KRI1: variants seen among roughly 807,000 people sequenced by gnomAD.
KRI1 encodes protein KRI1 homolog.
A neutral mutation model predicts 97.0 loss-of-function variants in KRI1; 83 were observed. The ratio of observed to expected loss-of-function variants is 0.86; its 90% CI spans 0.72 to 1.03. The LOEUF (loss-of-function observed/expected upper bound fraction) is 1.03, where lower values mean the gene tolerates loss of function less well. Among genes scored for constraint, KRI1 ranks in the 50% least tolerant of loss-of-function variants. KRI1 has a pLI of 0.00. For synonymous variants in KRI1, 371 were observed against 363.5 expected, an observed-to-expected ratio of 1.02 and a Z score of -0.23; for missense variants, 916 against 928.4, an observed-to-expected ratio of 0.99 and a Z score of 0.17.
intron 18 of KRI1, 128 bp downstream of exon 18, chr19:10,554,959 C>G (rs779218685): frequency 1.4e-6 from 1 of 708,542 alleles, no homozygotes; most frequent in Non-Finnish European, 2.3e-6. Context: ...ATATAGGATT[C>G]GAACCCAGGT....
chr19:10,565,654 G>A, intron 2 of KRI1, 63 bp downstream of exon 2: 16 of 1,505,320 alleles, frequency 1.1e-5, no homozygotes, highest in Non-Finnish European at 1.4e-5. Context: ...TCTACATCGG[G>A]GTCGGGGTGC....
chr19:10,558,821 C>T (rs1462197276), intron 12 of KRI1, among the ~76,000 whole-genome samples: 3 of 151,984 alleles, frequency 2.0e-5, no homozygotes, highest in Non-Finnish European at 4.4e-5. Context: ...TTCCCTGCCT[C>T]AGCCTCCCGA....
Position 10,553,745 on chromosome 19 carries a change from T to TG in KRI1, c.*205dup. ...CATGTGTCACCACATTTTGTAGAGA[T>TG]GGAGTCTCGCTAAGTTGCCCACGCT... On this transcript the variant is annotated 3_prime_UTR_variant, in exon 19 of 19. Transcript: ENST00000312962. 1.8e-6 allele frequency: 1 copy of TG among 550,872 alleles called. No individual in the cohort carries two copies. Among genetic ancestry groups the TG allele is most frequent in the East Asian group, 3.0e-5 (1 of 32,802 alleles). 34.1% of individuals were successfully genotyped at this position (550,872 alleles called of 1,614,324 possible). A position where few individuals can be genotyped will look rare whatever the true frequency, so the allele number is the denominator to read the frequency against.
chr19:10,559,477 TTCC>T lies in KRI1; in HGVS notation c.1073_1075del (p.Arg358del). The T allele has an allele frequency of 6.2e-7, 1 of 1,614,058 alleles. No individual in the cohort carries two copies. Among genetic ancestry groups the T allele is most frequent in the Non-Finnish European group, 8.5e-7 (1 of 1,180,008 alleles). ...CTTCTCCAGCTTGGCCAGAATCTCC[TTCC>T]TCTTCAGGTTCTTCAGCTGCTTGAG... is the stretch of plus-strand genomic sequence containing the variant. On this transcript the variant is annotated inframe_deletion, in exon 12 of 19. Coordinates refer to ENST00000312962, the MANE Select transcript of KRI1 (RefSeq NM_023008.5).
chr19:10,565,400 T>G, intron 2 of KRI1: 1 of 486,074 alleles, frequency 2.1e-6, no homozygotes, highest in Non-Finnish European at 3.6e-6. Flanking sequence ...GCGCCCCACG[T>G]GGCGCAAGGA....
intron 6 of KRI1, 105 bp downstream of exon 6, chr19:10,561,562 A>T: frequency 8.9e-7 from 1 of 1,122,156 alleles, no homozygotes; most frequent in Non-Finnish European, 1.4e-6. Context: ...TGATGAGGAA[A>T]CTGAAGCACA....
intron 18 of KRI1, among the ~76,000 whole-genome samples, chr19:10,554,628 C>G (rs1417122133): frequency 6.6e-6 from 1 of 152,146 alleles, no homozygotes; most frequent in African/African-American, 2.4e-5. Flanking sequence ...TCACTGCAGC[C>G]TCCAACTCCT....
intron 17 of KRI1, 49 bp downstream of exon 17, chr19:10,555,236 C>CCCGCCCTGCCCGCAGCGCACGTGGCT: frequency 6.2e-7 from 1 of 1,604,928 alleles, no homozygotes; most frequent in Non-Finnish European, 8.5e-7. Flanking sequence ...CCCGAGGCTG[C>CCCGCCCTGCCCGCAGCGCACGTGGCT]CCGCCCTGCC....
At position 10,562,780 on chromosome 19, in the gene KRI1, C is replaced by A; in HGVS notation, c.332G>T (p.Arg111Leu). 2 of 1,613,428 alleles carry A rather than the reference C, an allele frequency of 1.2e-6. No homozygotes were observed. The highest frequency in any genetic ancestry group is 1.7e-6 in the Non-Finnish European group (2 of 1,179,398). Residue 111 changes from arginine to leucine, a missense_variant, in exon 4 of 19, where the codon CGG becomes CTG. Transcript: ENST00000312962. ...PEALEKQKKVRPMYLKDYERK... is the reference protein window; with the variant it reads ...PEALEKQKKVLPMYLKDYERK... Reference sequence around the variant, plus strand: ...CTCGTAGTCCTTCAGGTACATGGGCCGCACTTTCTTCTGCTTCTCCAAGGC... The same window carrying A: ...CTCGTAGTCCTTCAGGTACATGGGCAGCACTTTCTTCTGCTTCTCCAAGGC...
At position 10,559,625 on chromosome 19, in the gene KRI1, C is replaced by T. The variant is rs753366784; in HGVS notation, c.1011G>A (p.Glu337=). The T allele has an allele frequency of 1.9e-6, 3 of 1,614,068 alleles. No individual in the cohort carries two copies. The Admixed American group carries it at 5.0e-5, about 27-fold the overall frequency. ...RRKEKREETR[E]RKKREKAKKQ... Reference sequence around the variant, plus strand: ...CCCCCACACTCACCCTCTTCTTTCGCTCCCGAGTCTCTTCCCTCTTCTCCT... The same window carrying T: ...CCCCCACACTCACCCTCTTCTTTCGTTCCCGAGTCTCTTCCCTCTTCTCCT... Residue 337 remains glutamate (E), a synonymous_variant, in exon 11 of 19, where the codon GAG becomes GAA. Transcript: ENST00000312962.
chr19:10,561,763 C>T (rs747988450), intron 5 of KRI1, 28 bp downstream of exon 5: 5 of 1,613,930 alleles, frequency 3.1e-6, no homozygotes. Context: ...GCCCCTCAGC[C>T]CCCCGACCCA....
Position 10,554,360 on chromosome 19 carries a change from G to C in KRI1, c.1782-79C>G, listed in dbSNP as rs953578448. On this transcript the variant is annotated intron_variant, in intron 18 of 18. Coordinates refer to ENST00000312962, the MANE Select transcript of KRI1 (RefSeq NM_023008.5). ...TTGAGCACGCATGCCCCATTTTACA[G>C]ACAGGGAAAGGAGGGGCATAGTGAA... The C allele has an allele frequency of 6.3e-6, 8 of 1,262,760 alleles. No individual in the cohort carries two copies. In the African/African-American group the frequency reaches 1.0e-4, roughly 16 times the overall value. The allele number at this position is 1,262,760 out of a possible 1,614,324, so 78.2% of individuals were successfully genotyped here. A position where few individuals can be genotyped will look rare whatever the true frequency, so the allele number is the denominator to read the frequency against.
chr19:10,562,966 C>T, intron 3 of KRI1, 129 bp from the exon 4 acceptor site: 1 of 657,936 alleles, frequency 1.5e-6, no homozygotes, highest in Non-Finnish European at 2.8e-6. Context: ...CCCAGCTGTC[C>T]AAGAGTATTG....
At chr19:10,559,550 G>A (rs748778099) in intron 11 of KRI1, 21 bp from the exon 12 acceptor site, 8 of 1,613,844 alleles carry the variant, frequency 5.0e-6, no homozygotes, top group South Asian at 3.3e-5. Context: ...AGGCAGAGAG[G>A]GGGAGGGCAT....
intron 2 of KRI1, 151 bp from the exon 3 acceptor site, chr19:10,565,185 GGGC>G: frequency 1.5e-6 from 1 of 660,984 alleles, no homozygotes; most frequent in Non-Finnish European, 2.7e-6. Flanking sequence ...GGAGGGAGAG[GGGC>G]CCTCTTGGGG....
At chr19:10,560,677 C>T (rs1352965436) in intron 8 of KRI1, among the ~76,000 whole-genome samples, 5 of 152,198 alleles carry the variant, frequency 3.3e-5, no homozygotes, top group Admixed American at 3.3e-4. Flanking sequence ...AAGATCCTCC[C>T]ACCTTAGCCT....
At chr19:10,555,621 G>A (rs1167516818) in intron 16 of KRI1, among the ~76,000 whole-genome samples, 1 of 152,160 alleles carries the variant, frequency 6.6e-6, no homozygotes, top group African/African-American at 2.4e-5. Context: ...CAGGGCCCTT[G>A]AGCTGTCACC....
chr19:10,557,586 A>G lies in KRI1; in HGVS notation c.1583T>C (p.Val528Ala). Residue 528 changes from valine (V) to alanine (A), a missense_variant, in exon 16 of 19, where the codon GTG becomes GCG. Val to Ala is a moderately conservative substitution (Grantham distance 64). Coordinates refer to ENST00000312962, the MANE Select transcript of KRI1 (RefSeq NM_023008.5). The part of the protein sequence containing the change: ...DLPCRFKYRT[V>A]VPCDFGLSTE... ...GCTGAGGCCAAAGTCACAGGGCACCACTGTGCGGTACTTGAAGCGACAGGG... is the reference window on the plus strand; with the variant it reads ...GCTGAGGCCAAAGTCACAGGGCACCGCTGTGCGGTACTTGAAGCGACAGGG... 6.2e-7 allele frequency: 1 copy of G among 1,614,158 alleles called. No homozygotes were observed. Among genetic ancestry groups the G allele is most frequent in the Non-Finnish European group, 8.5e-7 (1 of 1,179,998 alleles).
Position 10,553,761 on chromosome 19 carries a change from T to C in KRI1, c.*190A>G. 1 of 568,832 alleles carries C rather than the reference T, an allele frequency of 1.8e-6. No individual in the cohort carries two copies. The highest frequency in any genetic ancestry group is 3.1e-6 in the Non-Finnish European group (1 of 326,816). 35.2% of individuals were successfully genotyped at this position (568,832 alleles called of 1,614,324 possible). On this transcript the variant is annotated 3_prime_UTR_variant, in exon 19 of 19. Coordinates refer to ENST00000312962, the MANE Select transcript of KRI1 (RefSeq NM_023008.5). ...TTGTAGAGATGGAGTCTCGCTAAGT[T>C]GCCCACGCTGGTCTCCAATTCCTGG...
Sources: allele counts gnomAD v4.1 joint callset (sites outside exome capture counted in the v4.1 genomes callset), GRCh38; gene constraint gnomAD v4.1.1; transcripts MANE v1.5; gene names NCBI Gene and HGNC (gene_info 2026-07-23, HGNC 2026-07-21).